The following TOGARAM1 variants were observed in gnomAD, a reference collection of about 807,000 sequenced individuals.
TOGARAM1 encodes TOG array regulator of axonemal microtubules 1, also known as TOG array regulator of axonemal microtubules protein 1.
Under a neutral mutation model 166.6 loss-of-function variants are expected in TOGARAM1, and 100 were observed. The observed-to-expected ratio is 0.60, with a 90% CI of 0.51 to 0.71. The LOEUF (loss-of-function observed/expected upper bound fraction) is 0.71, where lower values mean the gene tolerates loss of function less well. Among genes scored for constraint, TOGARAM1 ranks in the 30% least tolerant of loss-of-function variants. The pLI, the probability that TOGARAM1 is intolerant of heterozygous loss-of-function variation, is 0.00. For missense variants in TOGARAM1, 2,029 were observed against 2,102.7 expected (o/e 0.96, Z 0.69); for synonymous variants, 758 against 763.8 (o/e 0.99, Z 0.13).
intron 16 of TOGARAM1, among the ~76,000 whole-genome samples, chr14:45,064,239 C>G (rs1010434768): frequency 6.6e-6 from 1 of 151,934 alleles, no homozygotes. Flanking sequence ...TTCTTTAATG[C>G]ATTGTGGTTT....
chr14:45,014,683 T>C (rs1387720508), intron 7 of TOGARAM1, among the ~76,000 whole-genome samples: 3 of 152,172 alleles, frequency 2.0e-5, no homozygotes, highest in Admixed American at 2.0e-4. Context: ...CACTACCTAT[T>C]AAAGCAAATT....
chr14:45,060,933 T>A (rs937137384), intron 16 of TOGARAM1, among the ~76,000 whole-genome samples: 5 of 152,228 alleles, frequency 3.3e-5, no homozygotes, highest in Admixed American at 2.6e-4. Flanking sequence ...TTAATAGATA[T>A]CTTTGGAAAC....
At chr14:45,016,445 G>T (rs139114985) in intron 7 of TOGARAM1, among the ~76,000 whole-genome samples, 2,411 of 152,292 alleles carry the variant, frequency 0.016, 72 homozygotes, top group African/African-American at 0.055. Context: ...ACTTTGGGAG[G>T]CCAAGGCGGG....
At chr14:45,034,766 A>G (rs1337681696) in intron 11 of TOGARAM1, among the ~76,000 whole-genome samples, 1 of 152,238 alleles carries the variant, frequency 6.6e-6, no homozygotes, top group African/African-American at 2.4e-5. Context: ...ACATTTTCAA[A>G]TAACTATATC....
At chr14:45,026,342 T>G (rs1262949247) in intron 8 of TOGARAM1, among the ~76,000 whole-genome samples, 4 of 152,198 alleles carry the variant, frequency 2.6e-5, no homozygotes, top group Non-Finnish European at 5.9e-5. Flanking sequence ...TTTTCTATTT[T>G]AATTGAAAAC....
chr14:44,975,920 A>G lies in TOGARAM1; in HGVS notation c.2046+11453A>G, dbSNP rs560999749. The stretch of plus-strand genomic sequence containing the variant: ...ATATTTTGGTAGTATTGAGAGTGCC[A>G]TGATTTATAAAATCTTCTTAGTGAA... On this transcript the variant is annotated intron_variant, in intron 1 of 19. Transcript: ENST00000361462. Among the ~76,000 whole-genome samples, 4 of 152,054 alleles carry G rather than the reference A, an allele frequency of 2.6e-5. No homozygotes were observed. The South Asian group carries it at 8.3e-4, about 32-fold the overall frequency.
chr14:44,994,718 C>T (rs1887333696), intron 1 of TOGARAM1, among the ~76,000 whole-genome samples: 2 of 152,102 alleles, frequency 1.3e-5, no homozygotes, highest in African/African-American at 4.8e-5. Flanking sequence ...TGCACGTGGC[C>T]TCATCTGGGC....
chr14:45,023,679 G>A (rs558786802), intron 7 of TOGARAM1, among the ~76,000 whole-genome samples: 41 of 152,076 alleles, frequency 2.7e-4, no homozygotes, highest in African/African-American at 8.7e-4. Flanking sequence ...GTCTTGCCCC[G>A]TTGGCAAGCT....
chr14:44,969,150 C>CCTTCCTTCCTTTCT (rs1566595745), intron 1 of TOGARAM1, among the ~76,000 whole-genome samples: 36 of 130,074 alleles, frequency 2.8e-4, no homozygotes, highest in African/African-American at 1.1e-3. Context: ...TCCTTCCTTT[C>CCTTCCTTCCTTTCT]TTTCTTTCTT....
intron 1 of TOGARAM1, among the ~76,000 whole-genome samples, chr14:44,985,594 C>G (rs1286444024): frequency 6.6e-6 from 1 of 152,152 alleles, no homozygotes; most frequent in South Asian, 2.1e-4. Flanking sequence ...CTAATACCAC[C>G]GCTGATCTGA....
intron 18 of TOGARAM1, among the ~76,000 whole-genome samples, chr14:45,070,808 G>A (rs1051606176): frequency 9.9e-5 from 15 of 152,254 alleles, no homozygotes; most frequent in African/African-American, 3.4e-4. Flanking sequence ...AAGGTACACA[G>A]GACCTGTATA....
intron 10 of TOGARAM1, among the ~76,000 whole-genome samples, chr14:45,029,533 G>A (rs1167791505): frequency 2.0e-5 from 3 of 152,142 alleles, no homozygotes; most frequent in African/African-American, 4.8e-5. Flanking sequence ...AGCTCAAAGT[G>A]TAGTTGTTTA....
chr14:45,025,326 G>C (rs1322614347), intron 7 of TOGARAM1: 1 of 152,986 alleles, frequency 6.5e-6, no homozygotes, highest in Non-Finnish European at 1.5e-5. Context: ...AGCACTTTGG[G>C]AGGCCGAGGC....
intron 11 of TOGARAM1, among the ~76,000 whole-genome samples, chr14:45,037,885 G>A (rs1034494363): frequency 4.6e-5 from 7 of 151,358 alleles, no homozygotes; most frequent in Admixed American, 1.3e-4. Flanking sequence ...AAAATGAGCC[G>A]GGCATGCCTG....
intron 1 of TOGARAM1, among the ~76,000 whole-genome samples, chr14:44,988,956 A>G (rs1019976485): frequency 6.6e-6 from 1 of 152,222 alleles, no homozygotes; most frequent in African/African-American, 2.4e-5. Flanking sequence ...TAACATTTTG[A>G]TTGCAGCCTT....
Position 44,962,465 on chromosome 14 carries a change from C to T in TOGARAM1, c.44C>T (p.Pro15Leu), listed in dbSNP as rs1885204176. The T allele has an allele frequency of 3.8e-6, 6 of 1,597,460 alleles. No individual in the cohort carries two copies. Among genetic ancestry groups the T allele is most frequent in the Admixed American group, 1.7e-5 (1 of 58,272 alleles). ...PSALLLLPPFPVLSTYRLQSR... is the reference protein window; with the variant it reads ...PSALLLLPPFLVLSTYRLQSR... ...GCGCTGCTTCTGCTGCCGCCCTTTC[C>T]AGTCCTCTCTACCTATCGGCTCCAG... Residue 15 changes from proline (P) to leucine (L), a missense_variant, in exon 1 of 20, where the codon CCA becomes CTA. Pro to Leu is a moderately conservative substitution (Grantham distance 98). Coordinates refer to ENST00000361462, the MANE Select transcript of TOGARAM1 (RefSeq NM_001308120.2).
In TOGARAM1 at chr14:45,044,822, A is replaced by G. The variant is rs1341307437; in HGVS notation, c.4106A>G (p.Asn1369Ser). Residue 1369 changes from asparagine to serine, a missense_variant, in exon 13 of 20, where the codon AAT (asparagine) becomes AGT (serine). Asn to Ser is a conservative substitution (Grantham distance 46). Transcript: ENST00000361462. ...VDKALRAMVNNVTPARAVVSL... is the reference protein window; with the variant it reads ...VDKALRAMVNSVTPARAVVSL... Reference sequence around the variant, plus strand: ...AAAGCATTGAGAGCTATGGTTAATAATGTAACTCCTGCACGTGCAGTTGTT... The same window carrying G: ...AAAGCATTGAGAGCTATGGTTAATAGTGTAACTCCTGCACGTGCAGTTGTT... 1 of 1,613,926 alleles carries G rather than the reference A, an allele frequency of 6.2e-7. No homozygotes were observed.
intron 7 of TOGARAM1, among the ~76,000 whole-genome samples, chr14:45,023,322 A>G (rs1381780926): frequency 1.3e-5 from 2 of 152,220 alleles, no homozygotes; most frequent in Non-Finnish European, 2.9e-5. Flanking sequence ...ACAAGTGTGC[A>G]GTCGCAGCAC....
intron 1 of TOGARAM1, among the ~76,000 whole-genome samples, chr14:44,979,278 G>A (rs1237593203): frequency 6.6e-6 from 1 of 152,062 alleles, no homozygotes; most frequent in Non-Finnish European, 1.5e-5. Context: ...GACATTTATT[G>A]CTCCCAGTTC....
Sources: allele counts gnomAD v4.1 joint callset (sites outside exome capture counted in the v4.1 genomes callset), GRCh38; gene constraint gnomAD v4.1.1; transcripts MANE v1.5; gene names NCBI Gene and HGNC (gene_info 2026-07-23, HGNC 2026-07-21).